SLC1A1: variants seen among roughly 807,000 people sequenced by gnomAD.
SLC1A1 encodes excitatory amino acid transporter 3.
In SLC1A1, 43 loss-of-function variants were observed where a neutral mutation model predicts 53.3. The ratio of observed to expected loss-of-function variants is 0.81; its 90% CI spans 0.63 to 1.04. The LOEUF is 1.04. Among genes scored for constraint, SLC1A1 ranks in the 50% least tolerant of loss-of-function variants. SLC1A1 has a pLI of 0.00. For missense variants in SLC1A1, 748 were observed against 664.9 expected (o/e 1.12, Z -1.37); for synonymous variants, 307 against 243.2 (o/e 1.26, Z -2.44).
intron 10 of SLC1A1, among the ~76,000 whole-genome samples, chr9:4,580,288 G>A (rs1334304416): frequency 1.3e-5 from 2 of 151,714 alleles, no homozygotes; most frequent in African/African-American, 4.8e-5. Context: ...GAAAAGTAAA[G>A]CTAATTATAC....
intron 2 of SLC1A1, among the ~76,000 whole-genome samples, chr9:4,552,230 G>A (rs1586766199): frequency 2.0e-5 from 3 of 152,166 alleles, no homozygotes. Flanking sequence ...GCCAGGCTCT[G>A]CTAGACACAC....
Position 4,583,287 on chromosome 9 carries a change from G to T in SLC1A1, c.1328+115G>T. 1 of 1,343,238 alleles carries T rather than the reference G, an allele frequency of 7.4e-7. No individual in the cohort carries two copies. The highest frequency in any genetic ancestry group is 1.1e-6 in the Non-Finnish European group (1 of 940,028). 83.2% of individuals were successfully genotyped at this position (1,343,238 alleles called of 1,614,324 possible). On this transcript the variant is annotated intron_variant, in intron 11 of 11. Transcript: ENST00000262352. This position sits in a 1 kb window ranked among gnomAD's most constrained non-coding sequence, Gnocchi z 4.6. The stretch of plus-strand genomic sequence containing the variant: ...CAGATTGCCTAATGAGCCACCTGTT[G>T]CTGCTTTAATTTTCCTCTGACCAGG...
At chr9:4,532,325 G>A (rs1304630113) in intron 1 of SLC1A1, among the ~76,000 whole-genome samples, 1 of 152,054 alleles carries the variant, frequency 6.6e-6, no homozygotes, top group Non-Finnish European at 1.5e-5. Context: ...AAAAAAATTA[G>A]ACGAATGGCT....
chr9:4,532,290 A>T (rs7036458), intron 1 of SLC1A1, among the ~76,000 whole-genome samples: 77,289 of 151,910 alleles, frequency 0.51, 20,295 homozygotes, highest in Non-Finnish European at 0.53. Context: ...TTCGAACCCA[A>T]GGCTAAGAAG....
Position 4,583,009 on chromosome 9 carries a change from A to G in SLC1A1, c.1194-29A>G. On this transcript the variant is annotated intron_variant, in intron 10 of 11. Coordinates refer to ENST00000262352, the MANE Select transcript of SLC1A1 (RefSeq NM_004170.6). The surrounding 1 kb of genome is among the most constrained non-coding windows in gnomAD (Gnocchi z 4.6). Reference sequence around the variant, plus strand: ...CTTTAACGGGAGAGGTAAGTGTCTAACTCCTTTCCTGCTGGTATGTTTCTG... The same window carrying G: ...CTTTAACGGGAGAGGTAAGTGTCTAGCTCCTTTCCTGCTGGTATGTTTCTG... The G allele has an allele frequency of 6.2e-7, 1 of 1,613,864 alleles. No individual in the cohort carries two copies. The highest frequency in any genetic ancestry group is 8.5e-7 in the Non-Finnish European group (1 of 1,179,854).
chr9:4,557,132 C>T (rs965164865), intron 2 of SLC1A1, among the ~76,000 whole-genome samples: 6 of 152,106 alleles, frequency 3.9e-5, no homozygotes, highest in Admixed American at 2.0e-4. Flanking sequence ...TGTAAGCAGA[C>T]GATTACTTGC....
rs1818416143 is a variant in SLC1A1, at chr9:4,556,608, G to GT, written c.233-4837dup. Among the ~76,000 whole-genome samples the GT allele has an allele frequency of 6.6e-6, 1 of 152,180 alleles. No homozygotes were observed. The highest frequency in any genetic ancestry group is 1.5e-5 in the Non-Finnish European group (1 of 68,028). ...AACTCAGAACTAAAGGGCAAATGAG[G>GT]TTTTACTTGTTTGGGACTAAGTTGG... On this transcript the variant is annotated intron_variant, in intron 2 of 11. Transcript: ENST00000262352. This position sits in a 1 kb window ranked among gnomAD's most constrained non-coding sequence, Gnocchi z 4.1.
At chr9:4,527,468 G>A (rs1011837466) in intron 1 of SLC1A1, among the ~76,000 whole-genome samples, 1 of 152,162 alleles carries the variant, frequency 6.6e-6, no homozygotes, top group African/African-American at 2.4e-5. Context: ...TATATAAACA[G>A]TGCTGGTTTT....
chr9:4,548,239 T>C (rs776275168), intron 2 of SLC1A1, among the ~76,000 whole-genome samples: 1 of 152,048 alleles, frequency 6.6e-6, no homozygotes, highest in Non-Finnish European at 1.5e-5. Context: ...GACCCTGAAG[T>C]AGTCTTCAGC....
intron 10 of SLC1A1, 99 bp from the exon 11 acceptor site, chr9:4,582,939 T>C: frequency 6.8e-7 from 1 of 1,459,932 alleles, no homozygotes. Flanking sequence ...GACACAGCAG[T>C]AATAGCCATC....
chr9:4,538,472 C>G (rs1344613847), intron 1 of SLC1A1, among the ~76,000 whole-genome samples: 1 of 152,170 alleles, frequency 6.6e-6, no homozygotes, highest in Non-Finnish European at 1.5e-5. Flanking sequence ...GCCAGCTTGA[C>G]TTTTCCCTTT....
intron 1 of SLC1A1, among the ~76,000 whole-genome samples, chr9:4,521,706 C>T (rs1026532295): frequency 1.3e-5 from 2 of 152,088 alleles, no homozygotes; most frequent in Admixed American, 6.5e-5. Context: ...TAGGCTCAAC[C>T]GTGACTTTAT....
intron 1 of SLC1A1, among the ~76,000 whole-genome samples, chr9:4,503,590 T>G (rs1187469343): frequency 6.6e-6 from 1 of 151,944 alleles, no homozygotes; most frequent in East Asian, 1.9e-4. Context: ...TTTCTGGGCT[T>G]GAAGACTGGA....
intron 3 of SLC1A1, among the ~76,000 whole-genome samples, chr9:4,563,316 A>G (rs6476878): frequency 0.71 from 107,483 of 151,970 alleles, 38,035 homozygotes; most frequent in East Asian, 0.75. Flanking sequence ...CTTGAACTGT[A>G]CCATAAAACA....
intron 1 of SLC1A1, among the ~76,000 whole-genome samples, chr9:4,500,926 T>C (rs967915769): frequency 6.6e-6 from 1 of 152,156 alleles, no homozygotes; most frequent in Non-Finnish European, 1.5e-5. Flanking sequence ...GCCTCGGCTA[T>C]GTGAGCTCCG....
At chr9:4,496,509 T>C (rs1471994638) in intron 1 of SLC1A1, among the ~76,000 whole-genome samples, 1 of 151,934 alleles carries the variant, frequency 6.6e-6, no homozygotes, top group Non-Finnish European at 1.5e-5. Context: ...TGCAAGCCAC[T>C]GCACTCAGCC....
At chr9:4,582,325 T>G (rs1201765974) in intron 10 of SLC1A1, among the ~76,000 whole-genome samples, 1 of 152,182 alleles carries the variant, frequency 6.6e-6, no homozygotes, top group African/African-American at 2.4e-5. Context: ...TCCCACAAAG[T>G]GCATCTACTG....
intron 3 of SLC1A1, among the ~76,000 whole-genome samples, chr9:4,564,094 TAC>T (rs36046227): frequency 0.39 from 59,526 of 151,592 alleles, 11,868 homozygotes; most frequent in Middle Eastern, 0.49. Flanking sequence ...AAAACACACA[TAC>T]ACACACACAC....
intron 1 of SLC1A1, among the ~76,000 whole-genome samples, chr9:4,491,128 C>G (rs533089137): frequency 6.6e-6 from 1 of 152,200 alleles, no homozygotes; most frequent in Non-Finnish European, 1.5e-5. Context: ...CCGTATCTCC[C>G]CCTATCACCG....
Sources: allele counts gnomAD v4.1 joint callset (sites outside exome capture counted in the v4.1 genomes callset), GRCh38; gene constraint gnomAD v4.1.1; non-coding constraint Gnocchi (gnomAD v3.1); transcripts MANE v1.5; gene names NCBI Gene and HGNC (gene_info 2026-07-23, HGNC 2026-07-21).